Variants in B3GALT1 observed in about 807,000 individuals in gnomAD.
B3GALT1 encodes the protein beta-1,3-galactosyltransferase 1, also known as UDP-Gal:betaGlcNAc beta 1,3-galactosyltransferase, polypeptide 1.
B3GALT1 carries 10 observed loss-of-function variants against 23.2 expected under a neutral mutation model. The observed-to-expected ratio is 0.43, with a 90% CI of 0.27 to 0.73. The LOEUF is 0.73. Among genes scored for constraint, B3GALT1 ranks in the 30% least tolerant of loss-of-function variants. The pLI, the probability that B3GALT1 is intolerant of heterozygous loss-of-function variation, is 0.21. For missense variants in B3GALT1, 299 were observed against 405.4 expected (o/e 0.74, Z 2.25); for synonymous variants, 156 against 141.5 (o/e 1.10, Z -0.73).
chr2:167,366,669 A>T (rs1162244271), intron 1 of B3GALT1, among the ~76,000 whole-genome samples: 1 of 152,206 alleles, frequency 6.6e-6, no homozygotes, highest in Non-Finnish European at 1.5e-5. Context: ...CAACTTGGGC[A>T]GGGCACTAGG....
chr2:167,371,391 A>C (rs1697682042), intron 1 of B3GALT1, among the ~76,000 whole-genome samples: 2 of 152,132 alleles, frequency 1.3e-5, no homozygotes, highest in African/African-American at 2.4e-5. Flanking sequence ...GATTTTAAAG[A>C]TCTCCTTTGG....
intron 1 of B3GALT1, among the ~76,000 whole-genome samples, chr2:167,403,502 T>TA (rs565141727): frequency 1.6e-3 from 233 of 145,936 alleles, no homozygotes; most frequent in African/African-American, 2.5e-3. Context: ...GCACCATGTT[T>TA]AAAAAAAAAA....
chr2:167,495,391 T>C (rs1463698758), intron 2 of B3GALT1, among the ~76,000 whole-genome samples: 18 of 144,090 alleles, frequency 1.2e-4, no homozygotes, highest in Admixed American at 1.2e-3. Context: ...TGGAGTGCAA[T>C]GTCACAATCT....
chr2:167,488,858 G>T (rs1255358747), intron 1 of B3GALT1, among the ~76,000 whole-genome samples: 1 of 151,456 alleles, frequency 6.6e-6, no homozygotes, highest in South Asian at 2.1e-4. Context: ...TGTCAGGCTT[G>T]TTTCATGCAA....
intron 1 of B3GALT1, among the ~76,000 whole-genome samples, chr2:167,321,559 T>A (rs1696810890): frequency 6.6e-6 from 1 of 151,936 alleles, no homozygotes; most frequent in Non-Finnish European, 1.5e-5. Context: ...AAGCACCACA[T>A]CTAATGAGAC....
intron 2 of B3GALT1, among the ~76,000 whole-genome samples, chr2:167,498,344 A>G (rs941827594): frequency 6.6e-6 from 1 of 152,168 alleles, no homozygotes; most frequent in Admixed American, 6.6e-5. Context: ...GAGTCTCTTC[A>G]ACAACTCCTT....
chr2:167,780,991 C>A (rs1688236090), intron 3 of B3GALT1, among the ~76,000 whole-genome samples: 4 of 152,038 alleles, frequency 2.6e-5, no homozygotes, highest in Admixed American at 2.6e-4. Context: ...AATTTCACTG[C>A]AATTAAAAAA....
intron 1 of B3GALT1, among the ~76,000 whole-genome samples, chr2:167,418,768 C>G (rs939720060): frequency 6.6e-6 from 1 of 151,728 alleles, no homozygotes; most frequent in Non-Finnish European, 1.5e-5. Flanking sequence ...AACTCCTAAC[C>G]TCAGGCAGTC....
chr2:167,374,415 T>C (rs139126126), intron 1 of B3GALT1, among the ~76,000 whole-genome samples: 2 of 152,332 alleles, frequency 1.3e-5, no homozygotes, highest in African/African-American at 4.8e-5. Flanking sequence ...TAGTTCTGTT[T>C]TAAGTTTTTT....
intron 3 of B3GALT1, among the ~76,000 whole-genome samples, chr2:167,800,935 C>T (rs906022074): frequency 6.6e-6 from 1 of 152,150 alleles, no homozygotes; most frequent in African/African-American, 2.4e-5. Context: ...TCTAAACACC[C>T]ATGTTTGGAA....
rs778503573 is a variant in B3GALT1 at position 167,869,810 on chromosome 2, C to T, written c.771C>T (p.His257=). Residue 257 remains histidine, a synonymous_variant, in exon 5 of 5, where the codon CAC becomes CAT. Coordinates refer to ENST00000392690, the MANE Select transcript of B3GALT1 (RefSeq NM_020981.4). This position sits in a 1 kb window ranked among gnomAD's most constrained non-coding sequence, Gnocchi z 6.4. ...VAELIYKTSL[H]TRLLHLEDVY... is the part of the protein sequence containing the mutation. ...AACTCATTTACAAGACCTCACTCCACACAAGGCTGCTTCACCTTGAAGACG... is the reference window on the plus strand; with the variant it reads ...AACTCATTTACAAGACCTCACTCCATACAAGGCTGCTTCACCTTGAAGACG... 13 of 1,614,100 alleles carry T rather than the reference C, an allele frequency of 8.1e-6. No individual in the cohort carries two copies. The highest frequency in any genetic ancestry group is 1.3e-5 in the African/African-American group (1 of 75,030).
chr2:167,823,931 A>G (rs1574282731), intron 4 of B3GALT1, among the ~76,000 whole-genome samples: 2 of 152,378 alleles, frequency 1.3e-5, no homozygotes, highest in South Asian at 4.1e-4. Context: ...CAAGCACGTG[A>G]TAATTCTTAG....
At chr2:167,319,340 A>G (rs1696769458) in intron 1 of B3GALT1, among the ~76,000 whole-genome samples, 1 of 152,084 alleles carries the variant, frequency 6.6e-6, no homozygotes, top group African/African-American at 2.4e-5. Flanking sequence ...TTCTTCTCTG[A>G]TAGCTGAAAT....
intron 1 of B3GALT1, among the ~76,000 whole-genome samples, chr2:167,445,991 G>A (rs1193538803): frequency 6.6e-6 from 1 of 152,178 alleles, no homozygotes; most frequent in East Asian, 1.9e-4. Flanking sequence ...TGTTTTTGCA[G>A]TGGCTGGTAC....
intron 3 of B3GALT1, among the ~76,000 whole-genome samples, chr2:167,761,526 T>G (rs990407209): frequency 6.6e-6 from 1 of 152,204 alleles, no homozygotes; most frequent in Non-Finnish European, 1.5e-5. Context: ...GGCCTTTTTT[T>G]CTTTTTCATT....
intron 2 of B3GALT1, among the ~76,000 whole-genome samples, chr2:167,641,126 C>T (rs1221043714): frequency 1.3e-5 from 2 of 152,098 alleles, no homozygotes; most frequent in African/African-American, 4.8e-5. Context: ...ACAAAGTATG[C>T]TGTCAAAGTG....
chr2:167,583,795 C>A (rs919149836), intron 2 of B3GALT1, among the ~76,000 whole-genome samples: 9 of 152,044 alleles, frequency 5.9e-5, no homozygotes, highest in African/African-American at 9.7e-5. Flanking sequence ...GGATTCTCTG[C>A]CCCATGAATA....
At chr2:167,646,476 C>A (rs1439279794) in intron 2 of B3GALT1, among the ~76,000 whole-genome samples, 3 of 152,216 alleles carry the variant, frequency 2.0e-5, no homozygotes, top group African/African-American at 7.2e-5. Flanking sequence ...GTCCAACTCA[C>A]CAATGTAGTT....
chr2:167,401,080 C>T (rs993626505), intron 1 of B3GALT1, among the ~76,000 whole-genome samples: 2 of 152,006 alleles, frequency 1.3e-5, no homozygotes, highest in Non-Finnish European at 2.9e-5. Flanking sequence ...TTATCTTCTA[C>T]TTTCCCCTTA....
Sources: gnomAD v4.1 joint callset for allele counts (sites outside exome capture counted in the v4.1 genomes callset) on GRCh38, gnomAD v4.1.1 for gene constraint, Gnocchi (gnomAD v3.1) non-coding constraint, MANE v1.5 for transcripts, NCBI Gene and HGNC (gene_info 2026-07-23, HGNC 2026-07-21) for gene names.